The following LUZP2 variants were observed in gnomAD, a reference collection of about 807,000 sequenced individuals.
LUZP2 encodes leucine zipper protein 2.
A neutral mutation model predicts 51.6 loss-of-function variants in LUZP2; 52 were observed. That is an observed-to-expected ratio of 1.01 (90% CI 0.81 to 1.27). LUZP2 has a LOEUF of 1.27. Among genes scored for constraint, LUZP2 ranks in the 50% most tolerant of loss-of-function variants. The probability of loss-of-function intolerance (pLI) is 0.00; values close to 1 mark genes in which losing one functional copy is unlikely to be tolerated. For missense variants in LUZP2, 436 were observed against 395.4 expected (o/e 1.10, Z -0.87); for synonymous variants, 154 against 137.3 (o/e 1.12, Z -0.85).
intron 9 of LUZP2, among the ~76,000 whole-genome samples, chr11:25,005,617 GGTTT>G (rs1207522061): frequency 6.6e-5 from 10 of 152,062 alleles, no homozygotes; most frequent in South Asian, 2.1e-4. Context: ...CCATGGTTTT[GGTTT>G]GTTTGTTTCC....
intron 1 of LUZP2, among the ~76,000 whole-genome samples, chr11:24,576,460 A>G (rs973361176): frequency 1.3e-5 from 2 of 151,110 alleles, no homozygotes; most frequent in East Asian, 1.9e-4. Context: ...TTATCAAGCC[A>G]TATTTGACAC....
intron 1 of LUZP2, among the ~76,000 whole-genome samples, chr11:24,634,972 T>C (rs1470416801): frequency 3.9e-5 from 6 of 152,130 alleles, no homozygotes; most frequent in African/African-American, 1.2e-4. Context: ...TCTCATTTGA[T>C]CTCTGTTAGT....
rs773341101 is a variant in LUZP2 at position 24,905,973 on chromosome 11, CTA to C, written c.397-16_397-15del. ...ATTTTGTCTCTTCTTTGCAATAAAA[CTA>C]TGTTTTCTTCCTCAGAATAAAAGCT... On this transcript the variant is annotated splice_polypyrimidine_tract_variant and intron_variant, in intron 5 of 11. Transcript: ENST00000336930. 1.5e-5 allele frequency: 24 copies of C among 1,582,364 alleles called. No homozygotes were observed. The highest frequency in any genetic ancestry group is 2.0e-5 in the Non-Finnish European group (23 of 1,152,216).
intron 9 of LUZP2, among the ~76,000 whole-genome samples, chr11:25,027,335 A>G (rs1175062460): frequency 1.3e-5 from 2 of 152,264 alleles, no homozygotes; most frequent in African/African-American, 4.8e-5. Flanking sequence ...TTAATTTAGA[A>G]TAATTCTCCT....
At chr11:24,875,607 G>GAT (rs1238711862) in intron 5 of LUZP2, among the ~76,000 whole-genome samples, 1 of 150,068 alleles carries the variant, frequency 6.7e-6, no homozygotes, top group African/African-American at 2.5e-5. Flanking sequence ...TAGTCCTTTG[G>GAT]ATATATACCC....
chr11:24,961,010 T>C (rs1021688936), intron 7 of LUZP2, among the ~76,000 whole-genome samples: 8 of 152,148 alleles, frequency 5.3e-5, no homozygotes, highest in Non-Finnish European at 8.8e-5. Flanking sequence ...ATGTACCCAG[T>C]AGTCATTCAG....
At chr11:24,646,533 G>A (rs1365264872) in intron 1 of LUZP2, 1 of 945,072 alleles carries the variant, frequency 1.1e-6, no homozygotes, top group African/African-American at 1.8e-5. Context: ...CTAATTAATA[G>A]TCTCTTGATT....
intron 5 of LUZP2, among the ~76,000 whole-genome samples, chr11:24,820,741 C>G (rs576739403): frequency 6.6e-6 from 1 of 152,086 alleles, no homozygotes; most frequent in African/African-American, 2.4e-5. Flanking sequence ...TTGGGTGTTA[C>G]GGTGTTATGT....
At chr11:24,922,364 A>C (rs1273809880) in intron 7 of LUZP2, among the ~76,000 whole-genome samples, 1 of 152,174 alleles carries the variant, frequency 6.6e-6, no homozygotes, top group Non-Finnish European at 1.5e-5. Context: ...ATGTATGTAT[A>C]ACAGAGTGTC....
chr11:24,765,892 C>A (rs559894466), intron 5 of LUZP2, among the ~76,000 whole-genome samples: 1 of 152,170 alleles, frequency 6.6e-6, no homozygotes, highest in African/African-American at 2.4e-5. Flanking sequence ...TCCCAAAGTG[C>A]TGGGATTACA....
chr11:24,744,974 C>T (rs983323706), intron 4 of LUZP2, among the ~76,000 whole-genome samples: 63 of 152,148 alleles, frequency 4.1e-4, no homozygotes, highest in African/African-American at 1.4e-3. Flanking sequence ...TCCCAGTGCT[C>T]ATTCAGGAGC....
intron 7 of LUZP2, among the ~76,000 whole-genome samples, chr11:24,937,220 G>C (rs185915566): frequency 6.6e-6 from 1 of 152,170 alleles, no homozygotes; most frequent in Non-Finnish European, 1.5e-5. Flanking sequence ...TAGAAGCATT[G>C]TCTACTGAAT....
At chr11:24,775,523 G>A (rs904306562) in intron 5 of LUZP2, among the ~76,000 whole-genome samples, 1 of 152,144 alleles carries the variant, frequency 6.6e-6, no homozygotes, top group Non-Finnish European at 1.5e-5. Context: ...CTTCTCAAGG[G>A]TGTTGTAGAC....
chr11:24,700,974 TG>T (rs772612247), intron 1 of LUZP2, among the ~76,000 whole-genome samples: 42 of 152,126 alleles, frequency 2.8e-4, no homozygotes, highest in Non-Finnish European at 5.6e-4. Flanking sequence ...GTTAGGTTTG[TG>T]GGGAAAAAGA....
chr11:24,801,585 C>T (rs918690346), intron 5 of LUZP2, among the ~76,000 whole-genome samples: 2 of 151,686 alleles, frequency 1.3e-5, no homozygotes, highest in African/African-American at 2.4e-5. Context: ...TAGGAAAATT[C>T]TTATCACAAC....
At chr11:24,756,440 C>T (rs556205351) in intron 4 of LUZP2, among the ~76,000 whole-genome samples, 29 of 152,364 alleles carry the variant, frequency 1.9e-4, no homozygotes, top group African/African-American at 7.0e-4. Flanking sequence ...CTAAATTCCA[C>T]TGATAGCTTT....
intron 1 of LUZP2, among the ~76,000 whole-genome samples, chr11:24,647,713 G>A (rs1315817783): frequency 6.6e-6 from 1 of 151,708 alleles, no homozygotes; most frequent in African/African-American, 2.4e-5. Context: ...TTATCTCAAG[G>A]TTGATAGCCT....
intron 1 of LUZP2, among the ~76,000 whole-genome samples, chr11:24,722,853 G>C (rs1009805467): frequency 6.6e-6 from 1 of 151,700 alleles, no homozygotes; most frequent in Non-Finnish European, 1.5e-5. Context: ...GGACGTGGAG[G>C]TTGCAGTGAG....
chr11:24,929,536 C>T (rs1322699741), intron 7 of LUZP2, among the ~76,000 whole-genome samples: 2 of 151,986 alleles, frequency 1.3e-5, no homozygotes, highest in Non-Finnish European at 2.9e-5. Context: ...GTTGAGGGTT[C>T]CTTCTGGAGT....
Sources: gnomAD v4.1 joint callset for allele counts (sites outside exome capture counted in the v4.1 genomes callset) on GRCh38, gnomAD v4.1.1 for gene constraint, MANE v1.5 for transcripts, NCBI Gene and HGNC (gene_info 2026-07-23, HGNC 2026-07-21) for gene names.